The following RBFOX3 variants were observed in gnomAD, a reference collection of about 807,000 sequenced individuals.
RBFOX3 encodes the protein RNA binding protein fox-1 homolog 3.
RBFOX3 carries 17 observed loss-of-function variants against 48.7 expected under a neutral mutation model. That is an observed-to-expected ratio of 0.35 (90% CI 0.24 to 0.52). RBFOX3 has a LOEUF of 0.52. RBFOX3 is among the 20% of genes least tolerant of loss of function. The pLI is 0.94. For missense variants in RBFOX3, 382 were observed against 497.5 expected (o/e 0.77, Z 2.21); for synonymous variants, 212 against 209.5 (o/e 1.01, Z -0.10).
At chr17:79,165,529 C>T (rs961914221) in intron 4 of RBFOX3, among the ~76,000 whole-genome samples, 2 of 152,162 alleles carry the variant, frequency 1.3e-5, no homozygotes, top group African/African-American at 2.4e-5. Flanking sequence ...GTGCACATCC[C>T]GATTCCTCCA....
At chr17:79,104,430 C>A (rs1309251793) in intron 6 of RBFOX3, among the ~76,000 whole-genome samples, 5 of 152,142 alleles carry the variant, frequency 3.3e-5, no homozygotes, top group Non-Finnish European at 7.4e-5. Flanking sequence ...CTCCCTTCTG[C>A]CTTGGGGAGC....
In RBFOX3 at chr17:79,390,880, G is replaced by C. The variant is rs1016106748; in HGVS notation, c.-174-83056C>G. On this transcript the variant is annotated intron_variant, in intron 2 of 14. Transcript: ENST00000693108. This position sits in a 1 kb window ranked among gnomAD's most constrained non-coding sequence, Gnocchi z 4.2. Reference sequence around the variant, plus strand: ...AGGCACCTTCCTGCCCAGACACCTCGGGATGAGCCCCTGGTGGGACTGCTC... The same window carrying C: ...AGGCACCTTCCTGCCCAGACACCTCCGGATGAGCCCCTGGTGGGACTGCTC... 6.6e-6 allele frequency among the ~76,000 whole-genome samples: 1 copy of C among 152,156 alleles called. No homozygotes were observed. The highest frequency in any genetic ancestry group is 2.4e-5 in the African/African-American group (1 of 41,442).
chr17:79,469,838 G>C (rs1029976598), intron 2 of RBFOX3, among the ~76,000 whole-genome samples: 1 of 152,206 alleles, frequency 6.6e-6, no homozygotes, highest in Non-Finnish European at 1.5e-5. Context: ...GGGGGAGCAC[G>C]TGCACGGAGG....
intron 1 of RBFOX3, among the ~76,000 whole-genome samples, chr17:79,572,728 GT>G (rs1374171158): frequency 6.6e-6 from 1 of 152,208 alleles, no homozygotes; most frequent in Admixed American, 6.5e-5. Context: ...AAACGTGCGT[GT>G]TTCCCAAGGC....
At chr17:79,287,036 G>A (rs1423086110) in intron 3 of RBFOX3, among the ~76,000 whole-genome samples, 1 of 152,244 alleles carries the variant, frequency 6.6e-6, no homozygotes, top group African/African-American at 2.4e-5. Flanking sequence ...ACATCACAGC[G>A]GCCCTGACGC....
chr17:79,494,937 G>A (rs1487071663), intron 1 of RBFOX3, among the ~76,000 whole-genome samples: 5 of 152,178 alleles, frequency 3.3e-5, no homozygotes, highest in African/African-American at 1.2e-4. Flanking sequence ...ATCTGAACAG[G>A]GAGCTGGGCC....
intron 2 of RBFOX3, among the ~76,000 whole-genome samples, chr17:79,359,721 G>C (rs889911572): frequency 3.0e-5 from 4 of 132,940 alleles, no homozygotes; most frequent in African/African-American, 1.1e-4. Flanking sequence ...CCTGCACTTC[G>C]TAATTTGGGT....
chr17:79,550,485 A>T (rs1276993766), intron 1 of RBFOX3, among the ~76,000 whole-genome samples: 1 of 152,298 alleles, frequency 6.6e-6, no homozygotes, highest in South Asian at 2.1e-4. Flanking sequence ...CAAGCCTGGG[A>T]TGGAGGACAC....
In RBFOX3 at chr17:79,481,977, G is replaced by A. The variant is rs2078846328; in HGVS notation, c.-175+477C>T. On this transcript the variant is annotated intron_variant, in intron 2 of 14. Coordinates refer to ENST00000693108, the MANE Select transcript of RBFOX3 (RefSeq NM_001350451.2). The surrounding 1 kb of genome is among the most constrained non-coding windows in gnomAD (Gnocchi z 5.4). ...CGGCGGTTAGTGTCAGAGCTGAACG[G>A]CAGTCACCCTCTCGGGGTGGGAACA... Among the ~76,000 whole-genome samples the A allele has an allele frequency of 6.6e-6, 1 of 152,118 alleles. No individual in the cohort carries two copies. The highest frequency in any genetic ancestry group is 2.1e-4 in the South Asian group (1 of 4,816).
chr17:79,296,791 C>CCCT (rs1292492276), intron 3 of RBFOX3, among the ~76,000 whole-genome samples: 3 of 119,210 alleles, frequency 2.5e-5, no homozygotes, highest in South Asian at 2.6e-4. Context: ...CTCCTCCTCT[C>CCCT]CCTCCTCTTT....
chr17:79,294,592 G>T (rs1201008185), intron 3 of RBFOX3, among the ~76,000 whole-genome samples: 2 of 152,182 alleles, frequency 1.3e-5, no homozygotes, highest in Non-Finnish European at 2.9e-5. Flanking sequence ...GAGCCACCAC[G>T]CCCCGCTAGA....
chr17:79,225,060 G>A (rs1332283584), intron 4 of RBFOX3, among the ~76,000 whole-genome samples: 2 of 152,194 alleles, frequency 1.3e-5, no homozygotes, highest in South Asian at 4.1e-4. Flanking sequence ...CACCCCAGGA[G>A]TCAGTGCCCT....
At chr17:79,627,125 C>A in the RBFOX3 span, among the ~76,000 whole-genome samples, 1 of 152,236 alleles carries the variant, frequency 6.6e-6, no homozygotes, top group Non-Finnish European at 1.5e-5. Context: ...AGGCTGGGGA[C>A]TGCAGGAGCC....
chr17:79,359,222 C>T (rs949924887), intron 2 of RBFOX3, among the ~76,000 whole-genome samples: 17 of 152,246 alleles, frequency 1.1e-4, no homozygotes, highest in African/African-American at 4.1e-4. Flanking sequence ...TGGCTGACTG[C>T]AGCGCCTACC....
chr17:79,520,310 G>A (rs898195673), intron 1 of RBFOX3, among the ~76,000 whole-genome samples: 1 of 152,316 alleles, frequency 6.6e-6, no homozygotes, highest in Admixed American at 6.5e-5. Context: ...CCCGTCAGCC[G>A]GAGACTGGGG....
chr17:79,512,792 G>C (rs75888896), intron 1 of RBFOX3, among the ~76,000 whole-genome samples: 16,518 of 106,514 alleles, frequency 0.16, 1,411 homozygotes, highest in Non-Finnish European at 0.22. Context: ...TTACCATCGG[G>C]TACGGCCCCA....
chr17:79,160,650 CCATTCATTCATT>C (rs111882020), intron 4 of RBFOX3, among the ~76,000 whole-genome samples: 3 of 152,230 alleles, frequency 2.0e-5, no homozygotes, highest in Non-Finnish European at 4.4e-5. Context: ...TGGGATTCCC[CCATTCATTCATT>C]CATTCATTCA....
chr17:79,518,131 T>C (rs1213542106), intron 1 of RBFOX3, among the ~76,000 whole-genome samples: 2 of 152,238 alleles, frequency 1.3e-5, no homozygotes, highest in South Asian at 2.1e-4. Context: ...CAGCAGAGGC[T>C]GAGCTATGGA....
intron 2 of RBFOX3, among the ~76,000 whole-genome samples, chr17:79,461,713 G>C (rs1298390928): frequency 1.3e-5 from 2 of 152,182 alleles, no homozygotes; most frequent in African/African-American, 4.8e-5. Flanking sequence ...ATTTGTCAAA[G>C]CTCTTGAAAC....
Sources: allele counts gnomAD v4.1 joint callset (sites outside exome capture counted in the v4.1 genomes callset), GRCh38; gene constraint gnomAD v4.1.1; non-coding constraint Gnocchi (gnomAD v3.1); transcripts MANE v1.5; gene names NCBI Gene and HGNC (gene_info 2026-07-23, HGNC 2026-07-21).